SEC22A: variants seen among roughly 807,000 people sequenced by gnomAD.
The protein encoded by SEC22A is SEC22 homolog A, vesicle trafficking protein.
A neutral mutation model predicts 35.3 loss-of-function variants in SEC22A; 22 were observed. That is an observed-to-expected ratio of 0.62 (90% CI 0.45 to 0.89). SEC22A has a LOEUF of 0.89. SEC22A is among the 40% of genes least tolerant of loss of function. The pLI is 0.00. For synonymous variants in SEC22A, 119 were observed against 129.5 expected, an observed-to-expected ratio of 0.92 and a Z score of 0.55; for missense variants, 354 against 362.5, an observed-to-expected ratio of 0.98 and a Z score of 0.19.
intron 6 of SEC22A, among the ~76,000 whole-genome samples, chr3:123,263,658 G>A (rs548698256): frequency 2.6e-5 from 4 of 152,122 alleles, no homozygotes; most frequent in Admixed American, 1.3e-4. Context: ...TGGGATTACA[G>A]GTGCGCCACC....
At chr3:123,254,586 T>C (rs1445074529) in intron 5 of SEC22A, among the ~76,000 whole-genome samples, 1 of 152,204 alleles carries the variant, frequency 6.6e-6, no homozygotes, top group Non-Finnish European at 1.5e-5. Context: ...GCTGGTTCCC[T>C]ACTGGCTCGT....
At chr3:123,243,546 T>C (rs1937543361) in intron 4 of SEC22A, among the ~76,000 whole-genome samples, 2 of 152,224 alleles carry the variant, frequency 1.3e-5, no homozygotes, top group South Asian at 4.1e-4. Context: ...ACCCTCCCCC[T>C]ACTTTATCTT....
chr3:123,248,751 A>G (rs1937586570), intron 5 of SEC22A, among the ~76,000 whole-genome samples: 2 of 152,368 alleles, frequency 1.3e-5, no homozygotes, highest in African/African-American at 4.8e-5. Flanking sequence ...TGGAAAAGCA[A>G]GGATGCGTTG....
At chr3:123,253,590 TA>T (rs1306656496) in intron 5 of SEC22A, among the ~76,000 whole-genome samples, 1 of 151,794 alleles carries the variant, frequency 6.6e-6, no homozygotes, top group African/African-American at 2.4e-5. Flanking sequence ...CAGGTGCCTA[TA>T]ATCCCAGTTA....
At position 123,271,544 on chromosome 3, in the gene SEC22A, C is replaced by CCGGCTGG; in HGVS notation, c.750_756dup (p.Asn253LeufsTer22). On this transcript the variant is annotated frameshift_variant, in exon 7 of 7. Transcript: ENST00000492595. LOFTEE classifies it high-confidence loss of function. ...CAGTGTTATTTACTTGTCTACTACA[C>CCGGCTGG]CGGCTGGCGGAATGTCAAATCTTTT... The CCGGCTGG allele has an allele frequency of 6.2e-7, 1 of 1,613,678 alleles. No individual in the cohort carries two copies. The highest frequency in any genetic ancestry group is 8.5e-7 in the Non-Finnish European group (1 of 1,179,958).
rs1290520837 is a variant in SEC22A at position 123,272,536 on chromosome 3, A to G, written c.*814A>G. 1 of 152,206 alleles carries G rather than the reference A, an allele frequency of 6.6e-6. No individual in the cohort carries two copies. The highest frequency in any genetic ancestry group is 1.5e-5 in the Non-Finnish European group (1 of 68,040). The allele number at this position is 152,206 out of a possible 1,614,324, so 9.4% of individuals were successfully genotyped here. The stretch of plus-strand genomic sequence containing the variant: ...AAATGAATCCTGCTCCAAGTGGAAA[A>G]CCAGTATCAGTTTGCCATAAATAAA... On this transcript the variant is annotated 3_prime_UTR_variant, in exon 7 of 7. Transcript: ENST00000492595.
At chr3:123,207,466 T>C (rs577101593) in intron 1 of SEC22A, among the ~76,000 whole-genome samples, 134 of 152,354 alleles carry the variant, frequency 8.8e-4, no homozygotes, top group Non-Finnish European at 1.1e-3. Flanking sequence ...ATCAGATTTT[T>C]GAATTTTCAC....
chr3:123,210,579 A>G (rs1426740667), intron 2 of SEC22A, among the ~76,000 whole-genome samples: 1 of 152,216 alleles, frequency 6.6e-6, no homozygotes, highest in Non-Finnish European at 1.5e-5. Context: ...AGCTTAGTGA[A>G]GAGGACAAGT....
chr3:123,273,280 A>G lies in SEC22A; in HGVS notation c.*1558A>G, dbSNP rs961580010. On this transcript the variant is annotated 3_prime_UTR_variant, in exon 7 of 7. Coordinates refer to ENST00000492595, the MANE Select transcript of SEC22A (RefSeq NM_012430.5). ...GAACTGTAAAATCTTGCTTAACTAG[A>G]ACCTTAGTCTGCACCCTCCTTTTAG... 1.3e-5 allele frequency: 2 copies of G among 152,218 alleles called. No homozygotes were observed. The highest frequency in any genetic ancestry group is 4.8e-5 in the African/African-American group (2 of 41,454). The allele number at this position is 152,218 out of a possible 1,614,324, so 9.4% of individuals were successfully genotyped here.
chr3:123,227,280 AGTTT>A (rs1937232321), intron 4 of SEC22A, among the ~76,000 whole-genome samples: 3 of 152,032 alleles, frequency 2.0e-5, no homozygotes, highest in South Asian at 2.1e-4. Flanking sequence ...TATGTCTACT[AGTTT>A]GTTTTGTGAT....
At position 123,271,729 on chromosome 3, in the gene SEC22A, C is replaced by G. The variant is rs1276277473; in HGVS notation, c.*7C>G. On this transcript the variant is annotated 3_prime_UTR_variant, in exon 7 of 7. Coordinates refer to ENST00000492595, the MANE Select transcript of SEC22A (RefSeq NM_012430.5). ...TCCCGATTATGATGTCTGACACCAT[C>G]CTTCAGATCTATTGCCTTGGCTTCA... is the stretch of plus-strand genomic sequence containing the variant. 1 of 1,611,650 alleles carries G rather than the reference C, an allele frequency of 6.2e-7. No individual in the cohort carries two copies. Among genetic ancestry groups the G allele is most frequent in the Non-Finnish European group, 8.5e-7 (1 of 1,177,968 alleles).
chr3:123,261,229 C>T (rs1469656215), intron 6 of SEC22A, among the ~76,000 whole-genome samples: 1 of 152,140 alleles, frequency 6.6e-6, no homozygotes, highest in African/African-American at 2.4e-5. Flanking sequence ...ACACTTCATG[C>T]AGGAAATGTG....
intron 1 of SEC22A, among the ~76,000 whole-genome samples, chr3:123,206,153 G>T (rs1345736230): frequency 6.6e-6 from 1 of 152,104 alleles, no homozygotes; most frequent in Non-Finnish European, 1.5e-5. Context: ...CATCACCCAG[G>T]TTGGACTGCA....
chr3:123,223,743 T>C (rs1559754060), intron 3 of SEC22A, 21 bp downstream of exon 3: 8 of 1,586,302 alleles, frequency 5.0e-6, no homozygotes, highest in Middle Eastern at 1.7e-4. Context: ...GATTTTTTTT[T>C]CCTTTTTATT....
chr3:123,220,890 A>ATATATATATATATATATATATG (rs1214047235), intron 2 of SEC22A, among the ~76,000 whole-genome samples: 1 of 144,454 alleles, frequency 6.9e-6, no homozygotes, highest in Non-Finnish European at 1.5e-5. Flanking sequence ...ACATATATAT[A>ATATATATATATATATATATATG]TATATATGTC....
chr3:123,258,720 GT>G (rs11433747), intron 5 of SEC22A, among the ~76,000 whole-genome samples: 22 of 149,274 alleles, frequency 1.5e-4, no homozygotes, highest in South Asian at 2.1e-4. Context: ...GTATAAAGAG[GT>G]TTTTTTTTTC....
At chr3:123,207,398 A>G (rs1219573705) in intron 1 of SEC22A, among the ~76,000 whole-genome samples, 1 of 152,164 alleles carries the variant, frequency 6.6e-6, no homozygotes, top group East Asian at 1.9e-4. Flanking sequence ...GTGGGCAGGT[A>G]AGGATTAATT....
intron 6 of SEC22A, among the ~76,000 whole-genome samples, chr3:123,269,220 T>TTTTA (rs34449858): frequency 0.19 from 28,305 of 150,042 alleles, 2,838 homozygotes; most frequent in Middle Eastern, 0.26. Flanking sequence ...TGTGTGTATA[T>TTTTA]ATTACTGGAA....
chr3:123,239,544 A>C (rs1053402181), intron 4 of SEC22A, among the ~76,000 whole-genome samples: 8 of 150,652 alleles, frequency 5.3e-5, no homozygotes, highest in Non-Finnish European at 1.2e-4. Flanking sequence ...ATGGTATCTC[A>C]TTGTGGTTTT....
Sources: allele counts gnomAD v4.1 joint callset (sites outside exome capture counted in the v4.1 genomes callset), GRCh38; gene constraint gnomAD v4.1.1; transcripts MANE v1.5; gene names NCBI Gene and HGNC (gene_info 2026-07-23, HGNC 2026-07-21).